The following ADAMTSL3 variants were observed in gnomAD, a reference collection of about 807,000 sequenced individuals.
ADAMTSL3 encodes the protein ADAMTS like 3, also known as ADAMTS-like protein 3.
In ADAMTSL3, 128 loss-of-function variants were observed where a neutral mutation model predicts 201.7. That is an observed-to-expected ratio of 0.63 (90% CI 0.55 to 0.73). ADAMTSL3 has a LOEUF of 0.73. ADAMTSL3 is among the 30% of genes least tolerant of loss of function. ADAMTSL3 has a pLI of 0.00. For synonymous variants in ADAMTSL3, 738 were observed against 748.4 expected (o/e 0.99, Z 0.23); for missense variants, 1,990 against 2,119.6 (o/e 0.94, Z 1.20).
intron 3 of ADAMTSL3, among the ~76,000 whole-genome samples, chr15:83,748,335 G>T (rs768254357): frequency 2.0e-5 from 3 of 152,116 alleles, no homozygotes; most frequent in Non-Finnish European, 4.4e-5. Flanking sequence ...GCAATGTCAT[G>T]ATGCTAGTTC....
At chr15:84,016,352 T>G in intron 24 of ADAMTSL3, 31 bp from the exon 25 acceptor site, 1 of 1,558,554 alleles carries the variant, frequency 6.4e-7, no homozygotes, top group Non-Finnish European at 8.8e-7. Flanking sequence ...AATGTCTAAC[T>G]GGTAAAAGTG....
intron 9 of ADAMTSL3, among the ~76,000 whole-genome samples, chr15:83,878,087 A>C (rs7170165): frequency 2.0e-5 from 3 of 151,968 alleles, no homozygotes; most frequent in Admixed American, 6.6e-5. Flanking sequence ...GATGTTTACT[A>C]TAAAATTTTT....
At chr15:83,659,519 A>G (rs1246108841) in intron 2 of ADAMTSL3, among the ~76,000 whole-genome samples, 1 of 152,186 alleles carries the variant, frequency 6.6e-6, no homozygotes, top group Non-Finnish European at 1.5e-5. Flanking sequence ...GGCCTCGGGT[A>G]GATGCCCTTT....
chr15:83,910,263 A>T (rs2065907412), intron 15 of ADAMTSL3, among the ~76,000 whole-genome samples: 1 of 152,062 alleles, frequency 6.6e-6, no homozygotes, highest in African/African-American at 2.4e-5. Flanking sequence ...TAGGTAACAC[A>T]GCCTGTTCCT....
At chr15:83,657,645 A>T (rs2061107292) in intron 2 of ADAMTSL3, among the ~76,000 whole-genome samples, 2 of 152,258 alleles carry the variant, frequency 1.3e-5, no homozygotes, top group African/African-American at 4.8e-5. Context: ...GTAAGTGTAC[A>T]ATAAATGTCA....
chr15:84,014,727 A>G lies in ADAMTSL3; in HGVS notation c.4156+3A>G, dbSNP rs1483117468. 4.4e-6 allele frequency: 7 copies of G among 1,607,144 alleles called. No homozygotes were observed. The highest frequency in any genetic ancestry group is 5.9e-6 in the Non-Finnish European group (7 of 1,177,376). On this transcript the variant is annotated splice_donor_region_variant and intron_variant, in intron 24 of 29. Coordinates refer to ENST00000286744, the MANE Select transcript of ADAMTSL3 (RefSeq NM_207517.3). Reference sequence around the variant, plus strand: ...AACATCTGTACTCCACTTGCTGGGTAAGTGTCAAATTCTTATTGCTCCTTA... The same window carrying G: ...AACATCTGTACTCCACTTGCTGGGTGAGTGTCAAATTCTTATTGCTCCTTA...
chr15:83,767,671 A>C (rs1028347608), intron 3 of ADAMTSL3, among the ~76,000 whole-genome samples: 1 of 152,208 alleles, frequency 6.6e-6, no homozygotes, highest in Non-Finnish European at 1.5e-5. Flanking sequence ...GCAGCCCAAG[A>C]ATACAGGTTC....
At chr15:83,774,262 T>TGCTAG (rs2063034794) in intron 4 of ADAMTSL3, among the ~76,000 whole-genome samples, 1 of 152,250 alleles carries the variant, frequency 6.6e-6, no homozygotes, top group South Asian at 2.1e-4. Flanking sequence ...GAATCTGATG[T>TGCTAG]GCTAGTCTTG....
At chr15:83,773,847 C>T (rs560208473) in intron 4 of ADAMTSL3, among the ~76,000 whole-genome samples, 197 bp downstream of exon 4, 7 of 152,258 alleles carry the variant, frequency 4.6e-5, no homozygotes, top group Admixed American at 1.3e-4. Context: ...GGCCATGTTG[C>T]GCACAGGACC....
chr15:83,682,093 A>G (rs1459021159), intron 2 of ADAMTSL3, among the ~76,000 whole-genome samples: 2 of 152,148 alleles, frequency 1.3e-5, no homozygotes, highest in Non-Finnish European at 1.5e-5. Context: ...ACGCTTGGGT[A>G]TCTTAGTTAC....
At chr15:83,942,283 CA>C (rs533019707) in intron 17 of ADAMTSL3, among the ~76,000 whole-genome samples, 43 of 152,314 alleles carry the variant, frequency 2.8e-4, no homozygotes, top group African/African-American at 9.9e-4. Flanking sequence ...CTTGGGGCTC[CA>C]TTCAAAACAG....
In ADAMTSL3 at chr15:83,864,952, A is replaced by T. The variant is rs190069043; in HGVS notation, c.803-5850A>T. 2.8e-3 allele frequency among the ~76,000 whole-genome samples: 432 copies of T among 152,348 alleles called. 6 individuals are homozygous for T. In the East Asian group the frequency reaches 0.033, roughly 12 times the overall value. ...AAAATCATGTGCAAAAATCACAAGCATTCTTATACACCAATAACAGACAAA... is the reference window on the plus strand; with the variant it reads ...AAAATCATGTGCAAAAATCACAAGCTTTCTTATACACCAATAACAGACAAA... On this transcript the variant is annotated intron_variant, in intron 8 of 29. Coordinates refer to ENST00000286744, the MANE Select transcript of ADAMTSL3 (RefSeq NM_207517.3).
chr15:83,794,605 C>T (rs529183840), intron 4 of ADAMTSL3, among the ~76,000 whole-genome samples: 170 of 149,694 alleles, frequency 1.1e-3, no homozygotes, highest in African/African-American at 4.1e-3. Context: ...CTTGAAATGA[C>T]AGAAATTATA....
At chr15:83,919,095 A>G (rs1241663504) in intron 16 of ADAMTSL3, among the ~76,000 whole-genome samples, 1 of 152,170 alleles carries the variant, frequency 6.6e-6, no homozygotes, top group African/African-American at 2.4e-5. Flanking sequence ...TAATGCTTTT[A>G]AGATGCCTCT....
intron 27 of ADAMTSL3, 115 bp from the exon 28 acceptor site, chr15:84,031,220 G>T (rs1214108378): frequency 1.0e-6 from 1 of 973,824 alleles, no homozygotes; most frequent in Non-Finnish European, 1.6e-6. Context: ...GGGGACAGTT[G>T]GTTACAGTCC....
intron 19 of ADAMTSL3, among the ~76,000 whole-genome samples, chr15:83,947,872 A>G (rs2066683167): frequency 6.6e-6 from 1 of 151,998 alleles, no homozygotes; most frequent in Admixed American, 6.6e-5. Flanking sequence ...CTCTCCATCT[A>G]GTTTATATCC....
At chr15:83,853,197 CT>C (rs951087191) in intron 7 of ADAMTSL3, among the ~76,000 whole-genome samples, 33 of 152,252 alleles carry the variant, frequency 2.2e-4, no homozygotes, top group African/African-American at 7.5e-4. Context: ...CATATTCTAT[CT>C]TTTCTCTAGC....
Position 83,982,539 on chromosome 15 carries a change from G to C in ADAMTSL3, c.2911G>C (p.Gly971Arg), listed in dbSNP as rs758428120. Residue 971 changes from glycine (G) to arginine (R), a missense_variant, in exon 21 of 30, where the codon GGT (glycine) becomes CGT (arginine). Physicochemically the swap from Gly to Arg is moderately radical, Grantham distance 125. Transcript: ENST00000286744. Reference sequence around the variant, plus strand: ...CAAGTCAGGCTCACTAAAAATCCATGGTCTTGCTGCCCCCGACATCGGCGT... The same window carrying C: ...CAAGTCAGGCTCACTAAAAATCCATCGTCTTGCTGCCCCCGACATCGGCGT... ...ITKSGSLKIH[G>R]LAAPDIGVYR... 1.2e-6 allele frequency: 2 copies of C among 1,614,022 alleles called. No individual in the cohort carries two copies. Among genetic ancestry groups the C allele is most frequent in the Middle Eastern group, 1.6e-4 (1 of 6,062 alleles).
At position 84,031,378 on chromosome 15, in the gene ADAMTSL3, G is replaced by A. The variant is rs374551064; in HGVS notation, c.4700G>A (p.Arg1567His). 2.7e-5 allele frequency: 44 copies of A among 1,613,900 alleles called. 2 individuals carry two copies. Among genetic ancestry groups the A allele is most frequent in the South Asian group, 2.4e-4 (22 of 91,070 alleles). ...CMGRAVRMQQ[R>H]HTACQHNSSD... is the part of the protein sequence containing the mutation. ...GGCCGTGCTGTGAGGATGCAGCAGCGTCACACAGCTTGTCAACACAACAGC... is the reference window on the plus strand; with the variant it reads ...GGCCGTGCTGTGAGGATGCAGCAGCATCACACAGCTTGTCAACACAACAGC... Residue 1567 changes from arginine (R) to histidine (H), a missense_variant, in exon 28 of 30, where the codon CGT becomes CAT. Coordinates refer to ENST00000286744, the MANE Select transcript of ADAMTSL3 (RefSeq NM_207517.3).
Sources: allele counts gnomAD v4.1 joint callset (sites outside exome capture counted in the v4.1 genomes callset), GRCh38; gene constraint gnomAD v4.1.1; transcripts MANE v1.5; gene names NCBI Gene and HGNC (gene_info 2026-07-23, HGNC 2026-07-21).